EPB41L5: variants seen among roughly 807,000 people sequenced by gnomAD.
EPB41L5 encodes the protein erythrocyte membrane protein band 4.1 like 5.
EPB41L5 carries 55 observed loss-of-function variants against 106.6 expected under a neutral mutation model. The observed-to-expected ratio is 0.52, with a 90% CI of 0.42 to 0.65. The LOEUF is 0.65. Among genes scored for constraint, EPB41L5 ranks in the 30% least tolerant of loss-of-function variants. The probability of loss-of-function intolerance (pLI) is 0.00; values close to 1 mark genes in which losing one functional copy is unlikely to be tolerated. For synonymous variants in EPB41L5, 297 were observed against 306.7 expected (o/e 0.97, Z 0.33); for missense variants, 871 against 882.1 (o/e 0.99, Z 0.16).
chr2:120,022,611 T>G lies in EPB41L5; in HGVS notation c.180+3347T>G, dbSNP rs1054364788. Among the ~76,000 whole-genome samples the G allele has an allele frequency of 2.6e-5, 4 of 152,336 alleles. No individual in the cohort carries two copies. In the East Asian group the frequency reaches 7.7e-4, roughly 29 times the overall value. Reference sequence around the variant, plus strand: ...TGGGCATTTGGGTTGGTTCCAAGTCTTTGCTATTGTGAATAGTGCTGCAGT... The same window carrying G: ...TGGGCATTTGGGTTGGTTCCAAGTCGTTGCTATTGTGAATAGTGCTGCAGT... On this transcript the variant is annotated intron_variant, in intron 2 of 24. Coordinates refer to ENST00000263713, the MANE Select transcript of EPB41L5 (RefSeq NM_020909.4).
At chr2:120,020,815 T>TAA (rs57155762) in intron 2 of EPB41L5, among the ~76,000 whole-genome samples, 155 of 20,190 alleles carry the variant, frequency 7.7e-3, no homozygotes, top group African/African-American at 0.021. Context: ...GTAGAATTTG[T>TAA]AAAAAAAAAA....
chr2:120,050,885 C>G (rs966691950), intron 3 of EPB41L5, among the ~76,000 whole-genome samples: 3 of 152,218 alleles, frequency 2.0e-5, no homozygotes, highest in African/African-American at 7.2e-5. Flanking sequence ...CAGTCAGGTC[C>G]CTCAGCTGCA....
intron 3 of EPB41L5, among the ~76,000 whole-genome samples, chr2:120,045,221 G>GACT (rs1001882210): frequency 1.6e-4 from 24 of 152,288 alleles, no homozygotes; most frequent in African/African-American, 5.5e-4. Context: ...AGTCATCATG[G>GACT]AGATAACCAA....
rs2105397771 is a variant in EPB41L5, at chr2:120,100,777, CCA to C, written c.1303_1304del (p.Gln435GlufsTer8). On this transcript the variant is annotated frameshift_variant, in exon 16 of 25. Transcript: ENST00000263713. LOFTEE classifies it high-confidence loss of function. ...TGTGCCAGTGGAGATAGAGAATCTT[CCA>C]CAGAGTCCTGGAACAGACCAGCATG... ...APVPVEIENL[P>X]QSPGTDQHDR... 1.2e-6 allele frequency: 2 copies of C among 1,611,762 alleles called. No homozygotes were observed. The highest frequency in any genetic ancestry group is 8.5e-7 in the Non-Finnish European group (1 of 1,178,640).
At chr2:120,039,718 G>A (rs917235625) in intron 2 of EPB41L5, among the ~76,000 whole-genome samples, 9 of 151,862 alleles carry the variant, frequency 5.9e-5, no homozygotes, top group Admixed American at 2.0e-4. Context: ...CCAGCTACTC[G>A]GGAGGCTGAG....
chr2:120,067,879 A>G (rs1681554543), intron 3 of EPB41L5, among the ~76,000 whole-genome samples: 1 of 152,190 alleles, frequency 6.6e-6, no homozygotes, highest in African/African-American at 2.4e-5. Flanking sequence ...ACAGTTTTGC[A>G]AGAGTCATTT....
At chr2:120,029,402 G>T (rs1376803057) in intron 2 of EPB41L5, among the ~76,000 whole-genome samples, 3 of 152,048 alleles carry the variant, frequency 2.0e-5, no homozygotes, top group African/African-American at 7.2e-5. Flanking sequence ...TCGTATATTG[G>T]TCAGGCTGGC....
intron 24 of EPB41L5, among the ~76,000 whole-genome samples, chr2:120,171,692 C>G (rs528219510): frequency 5.9e-5 from 9 of 152,324 alleles, no homozygotes; most frequent in Non-Finnish European, 8.8e-5. Context: ...TTTTTGGATC[C>G]TCTGATGAAA....
chr2:120,027,625 G>C (rs1678420370), intron 2 of EPB41L5, among the ~76,000 whole-genome samples: 1 of 152,072 alleles, frequency 6.6e-6, no homozygotes, highest in Non-Finnish European at 1.5e-5. Context: ...GGCTGGATTT[G>C]AACTCTTAGG....
chr2:120,143,478 T>C (rs1686271615), intron 19 of EPB41L5, among the ~76,000 whole-genome samples: 1 of 151,664 alleles, frequency 6.6e-6, no homozygotes, highest in Non-Finnish European at 1.5e-5. Context: ...GCAAAAAGAG[T>C]GAGGTACAAG....
intron 3 of EPB41L5, among the ~76,000 whole-genome samples, chr2:120,050,907 G>A (rs1680212653): frequency 6.6e-6 from 1 of 152,202 alleles, no homozygotes; most frequent in Non-Finnish European, 1.5e-5. Flanking sequence ...GTCTGTTGGA[G>A]TTTGCTGGAG....
At chr2:120,102,908 G>A (rs1029143217) in intron 16 of EPB41L5, among the ~76,000 whole-genome samples, 3 of 152,140 alleles carry the variant, frequency 2.0e-5, no homozygotes, top group African/African-American at 7.2e-5. Flanking sequence ...CCTTGCATTG[G>A]TAGGGGAGAA....
chr2:120,106,070 C>G (rs1684437359), intron 16 of EPB41L5: 1 of 984,712 alleles, frequency 1.0e-6, no homozygotes, highest in Admixed American at 6.2e-5. Context: ...GTAAGATCTT[C>G]AGTTCATATT....
At chr2:120,155,917 G>C (rs917030539) in intron 20 of EPB41L5, among the ~76,000 whole-genome samples, 1 of 152,154 alleles carries the variant, frequency 6.6e-6, no homozygotes, top group Non-Finnish European at 1.5e-5. Flanking sequence ...CTGGCAAGGA[G>C]CAATCTGCTG....
chr2:120,104,124 C>T (rs1408513003), intron 16 of EPB41L5: 7 of 1,535,990 alleles, frequency 4.6e-6, no homozygotes, highest in South Asian at 3.6e-5. Flanking sequence ...GGCCTTGCCC[C>T]CACCCCAGAC....
At chr2:120,115,558 A>AT (rs1045483214) in intron 16 of EPB41L5, among the ~76,000 whole-genome samples, 1 of 150,240 alleles carries the variant, frequency 6.7e-6, no homozygotes, top group Non-Finnish European at 1.5e-5. Context: ...GCTAATTTTT[A>AT]TTTTTTTATT....
chr2:120,157,114 A>C (rs1686935330), intron 20 of EPB41L5, among the ~76,000 whole-genome samples: 1 of 152,228 alleles, frequency 6.6e-6, no homozygotes. Flanking sequence ...CAATCAAATT[A>C]GAAATCAAAA....
intron 19 of EPB41L5, among the ~76,000 whole-genome samples, 185 bp from the exon 20 acceptor site, chr2:120,146,040 A>G (rs1243223873): frequency 6.6e-6 from 1 of 152,186 alleles, no homozygotes; most frequent in Non-Finnish European, 1.5e-5. Flanking sequence ...TTTGATTATT[A>G]ATTTAGGTAT....
chr2:120,174,033 C>G (rs1471467127), intron 24 of EPB41L5, among the ~76,000 whole-genome samples: 1 of 152,216 alleles, frequency 6.6e-6, no homozygotes, highest in Non-Finnish European at 1.5e-5. Context: ...TGCATCTAAA[C>G]TCACGCAGTT....
Sources: allele counts gnomAD v4.1 joint callset (sites outside exome capture counted in the v4.1 genomes callset), GRCh38; gene constraint gnomAD v4.1.1; transcripts MANE v1.5; gene names NCBI Gene and HGNC (gene_info 2026-07-23, HGNC 2026-07-21).